Variants in ELAVL4 observed in about 807,000 individuals in gnomAD.
ELAVL4 encodes ELAV like RNA binding protein 4, also known as ELAV-like protein 4.
In ELAVL4, 1 loss-of-function variant was observed where a neutral mutation model predicts 35.6. The ratio of observed to expected loss-of-function variants is 0.03; its 90% CI spans 0.01 to 0.13. The LOEUF (loss-of-function observed/expected upper bound fraction) is 0.13. Among genes scored for constraint, ELAVL4 ranks in the 10% least tolerant of loss-of-function variants. ELAVL4 has a pLI of 1.00. For missense variants in ELAVL4, 267 were observed against 464.9 expected, an observed-to-expected ratio of 0.57 and a Z score of 3.91; for synonymous variants, 156 against 171.0, an observed-to-expected ratio of 0.91 and a Z score of 0.69.
At chr1:50,102,528 T>C (rs1020076646), upstream of ELAVL4, among the ~76,000 whole-genome samples, 1 of 151,904 alleles carries the variant, frequency 6.6e-6, no homozygotes, top group Non-Finnish European at 1.5e-5. Flanking sequence ...TCCTTTATTA[T>C]TAGTTACAGA....
rs115311490 is a variant in ELAVL4, at chr1:50,187,515, C to T, written c.355-6250C>T. Among the ~76,000 whole-genome samples, 334 of 152,314 alleles carry T rather than the reference C, an allele frequency of 2.2e-3. 1 individual carries two copies. Among genetic ancestry groups the T allele is most frequent in the Middle Eastern group, 0.014 (4 of 294 alleles). On this transcript the variant is annotated intron_variant, in intron 3 of 6. Transcript: ENST00000371824. ...AGCTAATAACGGTCAGGTTTCAAGT[C>T]CACATCTCTCCAACCCCAAAGCACT...
chr1:50,068,141 A>G (rs1268399050), intron 1 of ELAVL4, among the ~76,000 whole-genome samples: 3 of 152,184 alleles, frequency 2.0e-5, no homozygotes, highest in African/African-American at 4.8e-5. Context: ...TGTAAGGAAA[A>G]TAAAGCAGGT....
At chr1:50,118,946 G>GAA (rs767046783) in intron 1 of ELAVL4, among the ~76,000 whole-genome samples, 1 of 125,528 alleles carries the variant, frequency 8.0e-6, no homozygotes, top group African/African-American at 2.9e-5. Flanking sequence ...AAAAAAGAAA[G>GAA]AGAGAGAGAG....
intron 3 of ELAVL4, among the ~76,000 whole-genome samples, chr1:50,184,584 C>T (rs1043475293): frequency 2.0e-5 from 3 of 152,176 alleles, no homozygotes; most frequent in African/African-American, 7.2e-5. Flanking sequence ...AAAGAAGTCT[C>T]TGCACCCACC....
intron 1 of ELAVL4, among the ~76,000 whole-genome samples, chr1:50,085,379 C>T (rs1293083790): frequency 6.6e-6 from 1 of 152,172 alleles, no homozygotes; most frequent in Non-Finnish European, 1.5e-5. Flanking sequence ...TGGCGTACAC[C>T]TATAATCACA....
At chr1:50,097,602 C>T (rs1031215515) in intron 1 of ELAVL4, among the ~76,000 whole-genome samples, 2 of 152,024 alleles carry the variant, frequency 1.3e-5, no homozygotes, top group African/African-American at 4.8e-5. Flanking sequence ...CTTTATGTTC[C>T]CTAGTGAATT....
intron 1 of ELAVL4, among the ~76,000 whole-genome samples, chr1:50,095,329 C>A (rs1470475433): frequency 1.3e-5 from 2 of 152,136 alleles, no homozygotes; most frequent in East Asian, 3.9e-4. Context: ...TAATGAGGCC[C>A]ACCCTTCCCC....
intron 3 of ELAVL4, among the ~76,000 whole-genome samples, chr1:50,183,835 A>G (rs979413906): frequency 1.3e-5 from 2 of 152,220 alleles, no homozygotes; most frequent in Admixed American, 1.3e-4. Context: ...GAGAGTTAGC[A>G]GATCATTTTT....
chr1:50,162,978 A>G (rs1053837074), intron 2 of ELAVL4, among the ~76,000 whole-genome samples: 1 of 152,224 alleles, frequency 6.6e-6, no homozygotes, highest in Non-Finnish European at 1.5e-5. Flanking sequence ...CAGAGATATA[A>G]GGAGATCTCA....
intron 1 of ELAVL4, among the ~76,000 whole-genome samples, chr1:50,075,260 G>A (rs753003690): frequency 3.9e-5 from 6 of 152,150 alleles, no homozygotes; most frequent in Non-Finnish European, 5.9e-5. Flanking sequence ...CATTTTATCC[G>A]AGGTGCAAGG....
rs752160926 is a variant in ELAVL4 at position 50,177,171 on chromosome 1, A to G, written c.333A>G (p.Arg111=). 2.5e-6 allele frequency: 4 copies of G among 1,613,856 alleles called. No homozygotes were observed. Among genetic ancestry groups the G allele is most frequent in the Non-Finnish European group, 3.4e-6 (4 of 1,179,858 alleles). Residue 111 remains arginine (R), a synonymous_variant, in exon 3 of 7, where the codon AGA becomes AGG. Coordinates refer to ENST00000371824, the MANE Select transcript of ELAVL4 (RefSeq NM_001144774.3). ...CCATCAACACTTTAAATGGACTCAG[A>G]CTCCAGACCAAAACCATAAAGGTAA... is the stretch of plus-strand genomic sequence containing the variant. ...EKAINTLNGL[R]LQTKTIKVSY... is the part of the protein sequence containing the mutation.
intron 1 of ELAVL4, among the ~76,000 whole-genome samples, chr1:50,052,590 T>C (rs1011381013): frequency 6.6e-6 from 1 of 152,212 alleles, no homozygotes; most frequent in African/African-American, 2.4e-5. Flanking sequence ...TCTTTGACCC[T>C]CTGGTATCTC....
At chr1:50,122,606 A>C (rs1294838469) in intron 1 of ELAVL4, among the ~76,000 whole-genome samples, 3 of 152,088 alleles carry the variant, frequency 2.0e-5, no homozygotes, top group Non-Finnish European at 4.4e-5. Context: ...GGAGCTCCTA[A>C]AACTGGCAGC....
chr1:50,150,656 T>G (rs1160170560), intron 2 of ELAVL4, among the ~76,000 whole-genome samples: 1 of 152,146 alleles, frequency 6.6e-6, no homozygotes, highest in East Asian at 1.9e-4. Context: ...TTAATGTACC[T>G]TATATACTTT....
intron 1 of ELAVL4, among the ~76,000 whole-genome samples, chr1:50,097,967 C>A (rs12566358): frequency 6.6e-6 from 1 of 151,952 alleles, no homozygotes; most frequent in Non-Finnish European, 1.5e-5. Context: ...TTTTACATTA[C>A]TTGAGTTGTG....
chr1:50,109,906 A>T (rs1253013761), intron 1 of ELAVL4: 1 of 1,611,782 alleles, frequency 6.2e-7, no homozygotes, highest in Non-Finnish European at 8.5e-7. Context: ...CGCTTTTGAC[A>T]CACTGTGTGA....
At chr1:50,120,439 T>A (rs1668834459) in intron 1 of ELAVL4, among the ~76,000 whole-genome samples, 1 of 152,048 alleles carries the variant, frequency 6.6e-6, no homozygotes, top group African/African-American at 2.4e-5. Context: ...TGTGTAAAGA[T>A]AAAGCTAGAA....
chr1:50,163,380 G>A (rs1677138899), intron 2 of ELAVL4, among the ~76,000 whole-genome samples: 2 of 152,086 alleles, frequency 1.3e-5, no homozygotes, highest in South Asian at 4.1e-4. Context: ...TTTGAAGATG[G>A]CTGATACTAA....
chr1:50,065,712 G>A (rs1235855362), intron 1 of ELAVL4, among the ~76,000 whole-genome samples: 1 of 152,150 alleles, frequency 6.6e-6, no homozygotes, highest in Non-Finnish European at 1.5e-5. Flanking sequence ...TATTGCTCAT[G>A]AGTCTACAAG....
Sources: gnomAD v4.1 joint callset for allele counts (sites outside exome capture counted in the v4.1 genomes callset) on GRCh38, gnomAD v4.1.1 for gene constraint, MANE v1.5 for transcripts, NCBI Gene and HGNC (gene_info 2026-07-23, HGNC 2026-07-21) for gene names.